CGNL1: variants seen among roughly 807,000 people sequenced by gnomAD.
The protein encoded by CGNL1 is cingulin-like protein 1.
A neutral mutation model predicts 141.2 loss-of-function variants in CGNL1; 132 were observed. The ratio of observed to expected loss-of-function variants is 0.93; its 90% CI spans 0.81 to 1.08. CGNL1 has a LOEUF of 1.08. Ranked by LOEUF, CGNL1 falls within the 50% of genes least tolerant of loss-of-function variation. The pLI is 0.00. For synonymous variants in CGNL1, 690 were observed against 622.1 expected, an observed-to-expected ratio of 1.11 and a Z score of -1.63; for missense variants, 1,870 against 1,588.6, an observed-to-expected ratio of 1.18 and a Z score of -3.01.
intron 8 of CGNL1, among the ~76,000 whole-genome samples, chr15:57,465,478 C>T (rs1194107182): frequency 6.7e-6 from 1 of 149,998 alleles, no homozygotes; most frequent in African/African-American, 2.5e-5. Context: ...GCAACCTCCA[C>T]CTCCTGGGTT....
At chr15:57,409,037 T>TCACACACACACA (rs59988268) in intron 1 of CGNL1, among the ~76,000 whole-genome samples, 14,932 of 141,578 alleles carry the variant, frequency 0.11, 885 homozygotes, top group East Asian at 0.11. Flanking sequence ...TGAGACTCTG[T>TCACACACACACA]CACACACACA....
intron 12 of CGNL1, among the ~76,000 whole-genome samples, chr15:57,526,718 A>G (rs2031637134): frequency 2.0e-5 from 3 of 152,138 alleles, no homozygotes. Flanking sequence ...CTTGCTTATG[A>G]TTCAGGATAC....
chr15:57,477,472 T>C (rs1431722046), intron 8 of CGNL1: 1 of 152,214 alleles, frequency 6.6e-6, no homozygotes, highest in Non-Finnish European at 1.5e-5. Flanking sequence ...GGTTGTCCGA[T>C]AGAGTCCATC....
At chr15:57,513,829 T>G (rs2030547330) in intron 8 of CGNL1, among the ~76,000 whole-genome samples, 1 of 152,178 alleles carries the variant, frequency 6.6e-6, no homozygotes, top group Admixed American at 6.5e-5. Context: ...GTCCCTTGTT[T>G]TTATTTCTCT....
chr15:57,495,728 T>G (rs187205026), intron 8 of CGNL1, among the ~76,000 whole-genome samples: 2 of 152,318 alleles, frequency 1.3e-5, no homozygotes. Flanking sequence ...CCACATTGTC[T>G]TGGGAGGTGT....
intron 14 of CGNL1, among the ~76,000 whole-genome samples, chr15:57,540,910 C>G (rs1284504582): frequency 2.6e-5 from 4 of 152,254 alleles, no homozygotes; most frequent in African/African-American, 9.6e-5. Context: ...CACATGCTTG[C>G]TCTCATTATG....
chr15:57,510,894 T>G (rs2030238196), intron 8 of CGNL1, among the ~76,000 whole-genome samples: 1 of 152,172 alleles, frequency 6.6e-6, no homozygotes, highest in Admixed American at 6.5e-5. Context: ...ATGCTCTGTT[T>G]GTACAGCTGC....
intron 1 of CGNL1, among the ~76,000 whole-genome samples, chr15:57,420,974 G>T (rs896833869): frequency 6.6e-6 from 1 of 152,190 alleles, no homozygotes; most frequent in Non-Finnish European, 1.5e-5. Flanking sequence ...ATTCATATTA[G>T]AGGTTAAAAT....
rs558325736 is a variant in CGNL1 at position 57,472,824 on chromosome 15, C to T, written c.2403+10932C>T. On this transcript the variant is annotated intron_variant, in intron 8 of 18. Transcript: ENST00000281282. ...TGAAGGCAGAAGTTTGGTATGCTGA[C>T]GGAGAAGGTTTGTAGGAGGAAAGTT... 1.8e-4 allele frequency among the ~76,000 whole-genome samples: 27 copies of T among 152,162 alleles called. No homozygotes were observed. The South Asian group carries it at 3.5e-3, about 20-fold the overall frequency.
At chr15:57,421,800 G>A (rs1255118621) in intron 1 of CGNL1, among the ~76,000 whole-genome samples, 3 of 151,278 alleles carry the variant, frequency 2.0e-5, no homozygotes, top group South Asian at 2.1e-4. Context: ...GTCAGGGGTC[G>A]TGTGCTCCTG....
chr15:57,465,102 G>C (rs188028460), intron 8 of CGNL1, among the ~76,000 whole-genome samples: 2 of 152,152 alleles, frequency 1.3e-5, no homozygotes, highest in Admixed American at 1.3e-4. Context: ...CACCATATTA[G>C]CTTTTGCTTC....
At chr15:57,416,725 C>T (rs190944453) in intron 1 of CGNL1, among the ~76,000 whole-genome samples, 180 of 152,328 alleles carry the variant, frequency 1.2e-3, no homozygotes, top group African/African-American at 4.2e-3. Flanking sequence ...ACTGCATCCT[C>T]AGCCTTCTTT....
chr15:57,418,288 C>G lies in CGNL1; in HGVS notation c.-15-19697C>G, dbSNP rs78528143. Among the ~76,000 whole-genome samples, 81 of 152,256 alleles carry G rather than the reference C, an allele frequency of 5.3e-4. 3 individuals carry two copies. In the East Asian group the frequency reaches 0.015, roughly 28 times the overall value. On this transcript the variant is annotated intron_variant, in intron 1 of 18. Coordinates refer to ENST00000281282, the MANE Select transcript of CGNL1 (RefSeq NM_032866.5). ...CTGTGGCTTCCTATGGCTAAACAAG[C>G]GTAATGAATATCTTGTTCCATATAA...
At chr15:57,434,527 C>T (rs1216142578) in intron 1 of CGNL1, among the ~76,000 whole-genome samples, 1 of 152,130 alleles carries the variant, frequency 6.6e-6, no homozygotes, top group Non-Finnish European at 1.5e-5. Flanking sequence ...ATTATGTGCT[C>T]ATGTTTTATA....
chr15:57,544,889 C>T (rs1413850483), intron 16 of CGNL1, among the ~76,000 whole-genome samples: 2 of 152,176 alleles, frequency 1.3e-5, no homozygotes, highest in East Asian at 1.9e-4. Context: ...TCCCTTTTCC[C>T]GTTCTCTAAA....
intron 14 of CGNL1, among the ~76,000 whole-genome samples, chr15:57,537,270 G>T (rs1044070076): frequency 1.2e-4 from 19 of 152,176 alleles, no homozygotes; most frequent in African/African-American, 4.3e-4. Flanking sequence ...ACTGAGCAAG[G>T]CTGCCTTGTT....
At chr15:57,461,649 C>T in intron 7 of CGNL1, 31 bp from the exon 8 acceptor site, 1 of 1,587,332 alleles carries the variant, frequency 6.3e-7, no homozygotes, top group Non-Finnish European at 8.7e-7. Flanking sequence ...GTTTCATTGT[C>T]ACCTTCTCCC....
intron 8 of CGNL1, among the ~76,000 whole-genome samples, chr15:57,488,011 T>G (rs1011271388): frequency 6.6e-6 from 1 of 152,302 alleles, no homozygotes; most frequent in East Asian, 1.9e-4. Flanking sequence ...CATTTCTCAT[T>G]CCCCTAGTAA....
intron 1 of CGNL1, among the ~76,000 whole-genome samples, chr15:57,421,126 T>G (rs1404344854): frequency 6.6e-6 from 1 of 152,156 alleles, no homozygotes; most frequent in Non-Finnish European, 1.5e-5. Context: ...ATCTGTGTGC[T>G]CTTACCAAGG....
Sources: gnomAD v4.1 joint callset for allele counts (sites outside exome capture counted in the v4.1 genomes callset) on GRCh38, gnomAD v4.1.1 for gene constraint, MANE v1.5 for transcripts, NCBI Gene and HGNC (gene_info 2026-07-23, HGNC 2026-07-21) for gene names.